PDK1: variants seen among roughly 807,000 people sequenced by gnomAD.
PDK1 encodes pyruvate dehydrogenase kinase 1.
PDK1 carries 39 observed loss-of-function variants against 54.2 expected under a neutral mutation model. The observed-to-expected ratio is 0.72, with a 90% CI of 0.56 to 0.94. The LOEUF (loss-of-function observed/expected upper bound fraction) is 0.94, where lower values mean the gene tolerates loss of function less well. Ranked by LOEUF, PDK1 falls within the 40% of genes least tolerant of loss-of-function variation. The probability of loss-of-function intolerance (pLI) is 0.00; values close to 1 mark genes in which losing one functional copy is unlikely to be tolerated. For missense variants in PDK1, 552 were observed against 566.0 expected (o/e 0.98, Z 0.25); for synonymous variants, 221 against 207.1 (o/e 1.07, Z -0.58).
chr2:172,625,101 C>A, the PDK1 span, among the ~76,000 whole-genome samples: 3 of 152,070 alleles, frequency 2.0e-5, no homozygotes, highest in East Asian at 5.8e-4. Flanking sequence ...GGAGCAGAAC[C>A]CACCTTCTCC....
At chr2:172,608,853 T>C (rs1411317202), downstream of PDK1, among the ~76,000 whole-genome samples, 1 of 152,216 alleles carries the variant, frequency 6.6e-6, no homozygotes, top group Admixed American at 6.5e-5. Flanking sequence ...TGGGCTTTTG[T>C]AGGTCCTGGA....
At chr2:172,663,358 C>T in the PDK1 span, among the ~76,000 whole-genome samples, 2 of 152,190 alleles carry the variant, frequency 1.3e-5, no homozygotes, top group African/African-American at 4.8e-5. Context: ...TTTGATAGGA[C>T]TTGAACATAT....
the PDK1 span, among the ~76,000 whole-genome samples, chr2:172,624,927 G>A: frequency 2.6e-5 from 4 of 151,958 alleles, no homozygotes; most frequent in Non-Finnish European, 4.4e-5. Flanking sequence ...GGCAGAGGTT[G>A]CAGTGAGCCG....
chr2:172,624,435 C>T, the PDK1 span, among the ~76,000 whole-genome samples: 3 of 152,120 alleles, frequency 2.0e-5, no homozygotes, highest in African/African-American at 4.8e-5. Context: ...TTGAGAACTG[C>T]GCATATGAGG....
the PDK1 span, among the ~76,000 whole-genome samples, chr2:172,625,526 T>C: frequency 6.6e-6 from 1 of 152,186 alleles, no homozygotes; most frequent in Admixed American, 6.5e-5. Flanking sequence ...TCTCTATGCT[T>C]GGAACATATT....
the PDK1 span, among the ~76,000 whole-genome samples, chr2:172,713,147 C>G: frequency 6.6e-6 from 1 of 152,180 alleles, no homozygotes; most frequent in African/African-American, 2.4e-5. Flanking sequence ...GTGTACAGCT[C>G]TCACTGGAGA....
At position 172,600,692 on chromosome 2, in the gene PDK1, AG is replaced by A. The variant is rs113102345; in HGVS notation, c.*4728del. ...GGTTTTTATAAATGGGCTAGTGAGG[AG>A]GGGGCTCATGAGGAGGGGATATCTT... On this transcript the variant is annotated 3_prime_UTR_variant, in exon 11 of 11. Transcript: ENST00000282077. 2 of 152,258 alleles carry A rather than the reference AG, an allele frequency of 1.3e-5. No individual in the cohort carries two copies. Among genetic ancestry groups the A allele is most frequent in the African/African-American group, 4.8e-5 (2 of 41,432 alleles). The allele number at this position is 152,258 out of a possible 1,614,324, so 9.4% of individuals were successfully genotyped here. A position where few individuals can be genotyped will look rare whatever the true frequency, so the allele number is the denominator to read the frequency against.
chr2:172,632,023 C>T, the PDK1 span, among the ~76,000 whole-genome samples: 7 of 152,008 alleles, frequency 4.6e-5, no homozygotes, highest in African/African-American at 1.7e-4. Flanking sequence ...CACCTGTAAT[C>T]CCAGCACTTT....
the PDK1 span, among the ~76,000 whole-genome samples, chr2:172,656,527 C>T: frequency 6.6e-6 from 1 of 152,150 alleles, no homozygotes; most frequent in East Asian, 1.9e-4. Context: ...TCTGGCAAAA[C>T]CCAATTAGGT....
chr2:172,558,707 G>T lies in PDK1; in HGVS notation c.197-1G>T. ...GCTTTACCCATCATGTTTGGTTTCA[G>T]GATCAGTGAATGCTTGTGAAAAGAC... is the stretch of plus-strand genomic sequence containing the variant. On this transcript the variant is annotated splice_acceptor_variant, in intron 1 of 10. Coordinates refer to ENST00000282077, the MANE Select transcript of PDK1 (RefSeq NM_002610.5). LOFTEE classifies it high-confidence loss of function. 6.3e-7 allele frequency: 1 copy of T among 1,599,284 alleles called. No homozygotes were observed.
the PDK1 span, among the ~76,000 whole-genome samples, chr2:172,625,437 A>G: frequency 8.2e-3 from 1,252 of 152,266 alleles, 15 homozygotes; most frequent in African/African-American, 0.028. Flanking sequence ...ATGTTCCTGG[A>G]ATGTTCATCT....
chr2:172,642,759 T>G, the PDK1 span, among the ~76,000 whole-genome samples: 1 of 151,538 alleles, frequency 6.6e-6, no homozygotes, highest in Admixed American at 6.6e-5. Flanking sequence ...TTTCTTCTCC[T>G]CTTCGTCTTC....
At chr2:172,721,063 A>G in the PDK1 span, among the ~76,000 whole-genome samples, 1 of 152,160 alleles carries the variant, frequency 6.6e-6, no homozygotes, top group Non-Finnish European at 1.5e-5. Flanking sequence ...GACTTCTGCA[A>G]TTTGTTAGAA....
At chr2:172,562,751 A>G in intron 3 of PDK1, 1 of 1,587,654 alleles carries the variant, frequency 6.3e-7, no homozygotes, top group Non-Finnish European at 8.6e-7. Flanking sequence ...AAGGCCTAGA[A>G]GAACATGGTT....
rs1690691020 is a variant in PDK1 at position 172,593,043 on chromosome 2, A to G, written c.1165A>G (p.Ile389Val). 7 of 1,439,854 alleles carry G rather than the reference A, an allele frequency of 4.9e-6. No individual in the cohort carries two copies. Among genetic ancestry groups the G allele is most frequent in the South Asian group, 2.3e-5 (2 of 87,458 alleles). The allele number at this position is 1,439,854 out of a possible 1,614,324, so 89.2% of individuals were successfully genotyped here. ...EGYGTDAVIY[I>V]KALSTDSIER... ...TTACGGGACAGATGCAGTTATCTACATTAAGGTAATAGCTGTAGTCTTCTT... is the reference window on the plus strand; with the variant it reads ...TTACGGGACAGATGCAGTTATCTACGTTAAGGTAATAGCTGTAGTCTTCTT... Residue 389 changes from isoleucine (I) to valine (V), a missense_variant, in exon 10 of 11, where the codon ATT (isoleucine) becomes GTT (valine). Ile to Val is a conservative substitution (Grantham distance 29). Transcript: ENST00000282077.
At position 172,606,633 on chromosome 2, in the gene PDK1, A is replaced by G. The variant is rs1691303309; in HGVS notation, c.*10664A>G. On this transcript the variant is annotated 3_prime_UTR_variant, in exon 11 of 11. Coordinates refer to ENST00000282077, the MANE Select transcript of PDK1 (RefSeq NM_002610.5). ...GTTAAGTTCCTGATACAGAAGTGGCATCAGTGCTGGTGTTAATGGCTGCAG... is the reference window on the plus strand; with the variant it reads ...GTTAAGTTCCTGATACAGAAGTGGCGTCAGTGCTGGTGTTAATGGCTGCAG... 1 of 152,050 alleles carries G rather than the reference A, an allele frequency of 6.6e-6. No homozygotes were observed. Among genetic ancestry groups the G allele is most frequent in the South Asian group, 2.1e-4 (1 of 4,822 alleles). 9.4% of individuals were successfully genotyped at this position (152,050 alleles called of 1,614,324 possible). A position where few individuals can be genotyped will look rare whatever the true frequency, so the allele number is the denominator to read the frequency against.
chr2:172,713,217 C>A, the PDK1 span, among the ~76,000 whole-genome samples: 1,714 of 152,290 alleles, frequency 0.011, 26 homozygotes, highest in African/African-American at 0.039. Flanking sequence ...CTGTCCAAGT[C>A]CGGGATTTTA....
intron 9 of PDK1, among the ~76,000 whole-genome samples, chr2:172,588,371 G>A (rs918312979): frequency 3.9e-5 from 6 of 152,178 alleles, no homozygotes; most frequent in East Asian, 1.9e-4. Flanking sequence ...CATCTTAGAT[G>A]TGCAGCCTTG....
chr2:172,570,969 A>G (rs563130908), intron 8 of PDK1, 145 bp downstream of exon 8: 11 of 562,216 alleles, frequency 2.0e-5, no homozygotes, highest in Admixed American at 9.9e-5. Flanking sequence ...TAATAAGCAC[A>G]TTGCTTCATT....
Sources: gnomAD v4.1 joint callset for allele counts (sites outside exome capture counted in the v4.1 genomes callset) on GRCh38, gnomAD v4.1.1 for gene constraint, MANE v1.5 for transcripts, NCBI Gene and HGNC (gene_info 2026-07-23, HGNC 2026-07-21) for gene names.